Variants in ABR observed in about 807,000 individuals in gnomAD.
ABR encodes active breakpoint cluster region-related protein.
Under a neutral mutation model 107.2 loss-of-function variants are expected in ABR, and 35 were observed. That is an observed-to-expected ratio of 0.33 (90% CI 0.25 to 0.43). ABR has a LOEUF of 0.43. ABR is among the 20% of genes least tolerant of loss of function. The pLI, the probability that ABR is intolerant of heterozygous loss-of-function variation, is 1.00. For missense variants in ABR, 815 were observed against 1,115.2 expected, an observed-to-expected ratio of 0.73 and a Z score of 3.83; for synonymous variants, 498 against 462.0, an observed-to-expected ratio of 1.08 and a Z score of -1.00.
chr17:1,097,944 G>A lies in ABR; in HGVS notation c.345+2693C>T, dbSNP rs139155639. Among the ~76,000 whole-genome samples the A allele has an allele frequency of 7.0e-3, 1,058 of 152,226 alleles. 12 individuals are homozygous for A. The highest frequency in any genetic ancestry group is 0.017 in the South Asian group (82 of 4,824). ...GTAACTCAACGCTGTATGAGGTCCC[G>A]AAAGCATCTCCCGATCTTCTCAACC... is the stretch of plus-strand genomic sequence containing the variant. On this transcript the variant is annotated intron_variant, in intron 3 of 22. Transcript: ENST00000302538.
At chr17:1,023,633 C>T (rs2071907599) in intron 16 of ABR, among the ~76,000 whole-genome samples, 1 of 152,224 alleles carries the variant, frequency 6.6e-6, no homozygotes, top group Non-Finnish European at 1.5e-5. Flanking sequence ...TTCTGTGGTC[C>T]TGACCAGGAA....
chr17:1,213,761 G>T (rs1033830860), intron 1 of ABR, among the ~76,000 whole-genome samples: 4 of 152,170 alleles, frequency 2.6e-5, no homozygotes, highest in African/African-American at 9.7e-5. Flanking sequence ...ACTGTGCAAA[G>T]ATACTGTCTT....
At chr17:1,015,987 C>A (rs915262150) in intron 16 of ABR, among the ~76,000 whole-genome samples, 2 of 152,006 alleles carry the variant, frequency 1.3e-5, no homozygotes, top group African/African-American at 4.8e-5. Flanking sequence ...CCCAGGAGTT[C>A]GAGACCAGCC....
chr17:1,032,444 G>A (rs1013684110), intron 16 of ABR, among the ~76,000 whole-genome samples: 1 of 152,210 alleles, frequency 6.6e-6, no homozygotes, highest in African/African-American at 2.4e-5. Context: ...CCGAAACGAC[G>A]CGGGTCACAC....
intron 2 of ABR, among the ~76,000 whole-genome samples, chr17:1,124,239 G>T (rs568587723): frequency 6.6e-6 from 1 of 152,146 alleles, no homozygotes; most frequent in Non-Finnish European, 1.5e-5. Flanking sequence ...AGCTGGGGTG[G>T]GGGGGCACTA....
chr17:1,083,601 C>T lies in ABR; in HGVS notation c.558G>A (p.Ala186=), dbSNP rs748441491. The T allele has an allele frequency of 1.8e-5, 29 of 1,613,510 alleles. No individual in the cohort carries two copies. The highest frequency in any genetic ancestry group is 3.3e-5 in the South Asian group (3 of 91,070). Residue 186 remains alanine (A), a synonymous_variant, in exon 5 of 23, where the codon GCG becomes GCA. Transcript: ENST00000302538. ...KLASQLGVYK[A]FVDNYKVALE... The stretch of plus-strand genomic sequence containing the variant: ...GAGCGACTTTATAGTTATCGACAAA[C>T]GCTTTGTACACACCGAGCTGGCTGG...
At chr17:1,079,044 G>A (rs2035984358) in intron 6 of ABR, 3 of 991,536 alleles carry the variant, frequency 3.0e-6, no homozygotes, top group Non-Finnish European at 4.0e-6. Context: ...GGAGAGGAGG[G>A]AAGGGGAAGG....
At chr17:1,229,560 C>T (rs1004325940) in exon 1 of ABR, among the ~76,000 whole-genome samples, 1 of 152,116 alleles carries the variant, frequency 6.6e-6, no homozygotes, top group Non-Finnish European at 1.5e-5. Flanking sequence ...CGACTCCAGC[C>T]TCGGGACCGG....
In ABR at chr17:1,148,292, G is replaced by A. The variant is rs575914805; in HGVS notation, c.62-22925C>T. Reference sequence around the variant, plus strand: ...TCCGACACAGGCCAATTCTGACATCGATGAACCTTGGGGGCATTAGGCTAC... The same window carrying A: ...TCCGACACAGGCCAATTCTGACATCAATGAACCTTGGGGGCATTAGGCTAC... On this transcript the variant is annotated intron_variant, in intron 1 of 22. Coordinates refer to ENST00000302538, the MANE Select transcript of ABR (RefSeq NM_021962.5). This position sits in a 1 kb window ranked among gnomAD's most constrained non-coding sequence, Gnocchi z 4.9. 4.6e-5 allele frequency among the ~76,000 whole-genome samples: 7 copies of A among 152,186 alleles called. No individual in the cohort carries two copies. The highest frequency in any genetic ancestry group is 9.7e-5 in the African/African-American group (4 of 41,432).
At position 1,140,813 on chromosome 17, in the gene ABR, C is replaced by T. The variant is rs112011755; in HGVS notation, c.62-15446G>A. ...GGCCAGGCTGGTCTCGAACTCCTGA[C>T]CTCAAGTGATCCGCCCACCTCGGCT... On this transcript the variant is annotated intron_variant, in intron 1 of 22. Transcript: ENST00000302538. 9.3e-3 allele frequency among the ~76,000 whole-genome samples: 1,420 copies of T among 152,192 alleles called. 21 individuals are homozygous for T. Among genetic ancestry groups the T allele is most frequent in the African/African-American group, 0.033 (1,359 of 41,522 alleles).
At chr17:1,194,399 T>C (rs1374016448) in intron 1 of ABR, among the ~76,000 whole-genome samples, 1 of 151,498 alleles carries the variant, frequency 6.6e-6, no homozygotes, top group Non-Finnish European at 1.5e-5. Flanking sequence ...GGTTTCACCA[T>C]GTTGGCCATG....
At chr17:1,153,459 G>GCGGGAGGGCTGGGGGTCCAGGCACACCTA (rs1567833370) in intron 1 of ABR, among the ~76,000 whole-genome samples, 1 of 131,170 alleles carries the variant, frequency 7.6e-6, no homozygotes, top group East Asian at 2.4e-4. Context: ...AGGCACACCT[G>GCGGGAGGGCTGGGGGTCCAGGCACACCTA]CGGGAGGGCT....
chr17:1,132,481 C>T (rs965923922), intron 1 of ABR, among the ~76,000 whole-genome samples: 1 of 149,690 alleles, frequency 6.7e-6, no homozygotes, highest in Non-Finnish European at 1.5e-5. Flanking sequence ...CAGGTTCAAG[C>T]GATTCTCCCG....
intron 16 of ABR, among the ~76,000 whole-genome samples, chr17:1,025,025 G>A (rs1489638361): frequency 1.7e-4 from 25 of 146,076 alleles, no homozygotes; most frequent in African/African-American, 6.1e-4. Flanking sequence ...GGAGGCTGAG[G>A]CAGGAGAATG....
chr17:1,213,390 G>A (rs1286070650), intron 1 of ABR, among the ~76,000 whole-genome samples: 2 of 152,028 alleles, frequency 1.3e-5, no homozygotes, highest in Admixed American at 6.6e-5. Flanking sequence ...AGAGCTTGAA[G>A]GTCACAGTCT....
intron 10 of ABR, among the ~76,000 whole-genome samples, chr17:1,059,610 T>G (rs2033700853): frequency 2.0e-5 from 3 of 152,136 alleles, no homozygotes; most frequent in Admixed American, 1.3e-4. Context: ...CCAGGTCCCG[T>G]CGGCTCAGCC....
At chr17:1,093,656 A>G (rs1009474315) in intron 3 of ABR, among the ~76,000 whole-genome samples, 1 of 152,122 alleles carries the variant, frequency 6.6e-6, no homozygotes, top group Non-Finnish European at 1.5e-5. Context: ...TGCTGCACTG[A>G]AGGGAACACC....
chr17:1,031,547 C>T (rs1213682999), intron 16 of ABR: 3 of 720,316 alleles, frequency 4.2e-6, no homozygotes, highest in African/African-American at 3.8e-5. Context: ...CCCCGAGCCC[C>T]GCAGCGCCCC....
chr17:1,011,641 T>G lies in ABR; in HGVS notation c.2101+205A>C. 1 of 516,426 alleles carries G rather than the reference T, an allele frequency of 1.9e-6. No individual in the cohort carries two copies. The highest frequency in any genetic ancestry group is 3.1e-6 in the Non-Finnish European group (1 of 323,856). 32.0% of individuals were successfully genotyped at this position (516,426 alleles called of 1,614,324 possible). On this transcript the variant is annotated intron_variant, in intron 19 of 22. Transcript: ENST00000302538. This position sits in a 1 kb window ranked among gnomAD's most constrained non-coding sequence, Gnocchi z 4.8. ...TCCTGGGCAAGTGAGTCGGCCCTTGTGAGTTTCTGCAGTTGCTTACCTGCA... is the reference window on the plus strand; with the variant it reads ...TCCTGGGCAAGTGAGTCGGCCCTTGGGAGTTTCTGCAGTTGCTTACCTGCA...
Sources: allele counts gnomAD v4.1 joint callset (sites outside exome capture counted in the v4.1 genomes callset), GRCh38; gene constraint gnomAD v4.1.1; non-coding constraint Gnocchi (gnomAD v3.1); transcripts MANE v1.5; gene names NCBI Gene and HGNC (gene_info 2026-07-23, HGNC 2026-07-21).